The following ATF7IP variants were observed in gnomAD, a reference collection of about 807,000 sequenced individuals.
ATF7IP encodes activating transcription factor 7-interacting protein 1.
In ATF7IP, 23 loss-of-function variants were observed where a neutral mutation model predicts 106.4. The observed-to-expected ratio is 0.22, with a 90% confidence interval of 0.16 to 0.31. ATF7IP has a LOEUF of 0.31. ATF7IP is among the 10% of genes least tolerant of loss of function. The pLI is 1.00. For missense variants in ATF7IP, 1,334 were observed against 1,524.3 expected (o/e 0.88, Z 2.08); for synonymous variants, 542 against 539.0 (o/e 1.01, Z -0.08).
chr12:14,471,139 A>G (rs1944026579), intron 10 of ATF7IP, among the ~76,000 whole-genome samples: 1 of 152,176 alleles, frequency 6.6e-6, no homozygotes, highest in Non-Finnish European at 1.5e-5. Context: ...GATTTAGAAA[A>G]TATCCTCTGT....
intron 5 of ATF7IP, among the ~76,000 whole-genome samples, chr12:14,442,290 T>A (rs149038600): frequency 6.6e-6 from 1 of 152,322 alleles, no homozygotes; most frequent in East Asian, 1.9e-4. Context: ...AAATCAAATA[T>A]CATTATGATT....
At position 14,442,708 on chromosome 12, in the gene ATF7IP, T is replaced by C. The variant is rs569102818; in HGVS notation, c.1930-4280T>C. Among the ~76,000 whole-genome samples, 109 of 152,346 alleles carry C rather than the reference T, an allele frequency of 7.2e-4. 1 individual carries two copies. Among genetic ancestry groups the C allele is most frequent in the African/African-American group, 2.6e-3 (107 of 41,586 alleles). On this transcript the variant is annotated intron_variant, in intron 5 of 14. Coordinates refer to ENST00000261168, the MANE Select transcript of ATF7IP (RefSeq NM_018179.5). Reference sequence around the variant, plus strand: ...TCAGTTGAATACATCTGAGACAAATTGTTCTATTGGTCTGATAAATCTTTG... The same window carrying C: ...TCAGTTGAATACATCTGAGACAAATCGTTCTATTGGTCTGATAAATCTTTG...
intron 13 of ATF7IP, among the ~76,000 whole-genome samples, chr12:14,488,528 T>G (rs1253122607): frequency 2.0e-4 from 30 of 152,166 alleles, no homozygotes; most frequent in Non-Finnish European, 4.4e-5. Flanking sequence ...AGGGTGGATC[T>G]GCCTTCCCCA....
intron 1 of ATF7IP, among the ~76,000 whole-genome samples, chr12:14,405,409 T>A (rs1001817875): frequency 3.3e-5 from 3 of 90,094 alleles, no homozygotes; most frequent in African/African-American, 2.4e-4. Context: ...TCATCTTTTT[T>A]TTTTTTTTTT....
intron 1 of ATF7IP, among the ~76,000 whole-genome samples, chr12:14,391,374 T>C (rs982972753): frequency 6.6e-6 from 1 of 152,214 alleles, no homozygotes; most frequent in Non-Finnish European, 1.5e-5. Context: ...CAACTGCCAG[T>C]AGAACTATCT....
intron 1 of ATF7IP, among the ~76,000 whole-genome samples, chr12:14,409,713 T>A (rs1184401059): frequency 6.6e-6 from 1 of 152,114 alleles, no homozygotes; most frequent in East Asian, 1.9e-4. Context: ...GCTGCTATTT[T>A]ACACATACTG....
intron 1 of ATF7IP, among the ~76,000 whole-genome samples, chr12:14,408,891 C>T (rs150300316): frequency 2.6e-5 from 4 of 152,156 alleles, no homozygotes; most frequent in East Asian, 3.9e-4. Flanking sequence ...GTGTACATAG[C>T]GCATCATTCT....
In ATF7IP at chr12:14,434,383, G is replaced by A. The variant is rs142252576; in HGVS notation, c.1605G>A (p.Glu535=). The A allele has an allele frequency of 2.5e-6, 4 of 1,593,874 alleles. No individual in the cohort carries two copies. In the African/African-American group the frequency reaches 5.4e-5, roughly 21 times the overall value. ...NEKDNKPEEE[E]QVIHEDDERP... is the part of the protein sequence containing the mutation. Reference sequence around the variant, plus strand: ...AGGACAACAAACCTGAGGAAGAAGAGCAAGTAATACATGAAGATGATGAAA... The same window carrying A: ...AGGACAACAAACCTGAGGAAGAAGAACAAGTAATACATGAAGATGATGAAA... Residue 535 remains glutamate (E), a synonymous_variant, in exon 3 of 15, where the codon GAG becomes GAA. Transcript: ENST00000261168.
At chr12:14,373,384 A>G (rs934782805) in intron 1 of ATF7IP, among the ~76,000 whole-genome samples, 1 of 152,212 alleles carries the variant, frequency 6.6e-6, no homozygotes, top group Admixed American at 6.5e-5. Context: ...TATGGCTTCC[A>G]TCACTAGGTG....
chr12:14,438,538 T>A (rs1157898128), intron 5 of ATF7IP, among the ~76,000 whole-genome samples: 3 of 152,178 alleles, frequency 2.0e-5, no homozygotes, highest in Non-Finnish European at 4.4e-5. Context: ...GGCTGTGCTG[T>A]GAGGAAGAAT....
At chr12:14,430,316 G>C (rs897857993) in intron 2 of ATF7IP, among the ~76,000 whole-genome samples, 1 of 152,144 alleles carries the variant, frequency 6.6e-6, no homozygotes, top group Admixed American at 6.5e-5. Context: ...GAGATCATTG[G>C]TGACTTTTAC....
chr12:14,488,202 GCACA>G (rs373588944), intron 13 of ATF7IP, among the ~76,000 whole-genome samples: 1 of 151,592 alleles, frequency 6.6e-6, no homozygotes, highest in Non-Finnish European at 1.5e-5. Context: ...ACACACACAT[GCACA>G]CACACACGTA....
At chr12:14,365,984 T>A (rs1427317128) in intron 1 of ATF7IP, among the ~76,000 whole-genome samples, 157 bp downstream of exon 1, 1 of 152,174 alleles carries the variant, frequency 6.6e-6, no homozygotes, top group Non-Finnish European at 1.5e-5. Context: ...CACGTGATCT[T>A]GCGGGGTCGG....
intron 10 of ATF7IP, among the ~76,000 whole-genome samples, chr12:14,474,668 G>C (rs1944193134): frequency 1.3e-5 from 2 of 152,018 alleles, no homozygotes; most frequent in African/African-American, 4.8e-5. Context: ...CAAAGTACTG[G>C]GATTACAGGC....
chr12:14,409,733 A>G lies in ATF7IP; in HGVS notation c.-7-14176A>G, dbSNP rs546754685. ...TATTTTACACATACTGCCTTTCACC[A>G]CCAATATAATCACAGATACACTTGT... On this transcript the variant is annotated intron_variant, in intron 1 of 14. Transcript: ENST00000261168. 1.9e-4 allele frequency among the ~76,000 whole-genome samples: 29 copies of G among 152,178 alleles called. No homozygotes were observed. The East Asian group carries it at 5.6e-3, about 29-fold the overall frequency.
At chr12:14,388,584 T>TGAGCG (rs2136428346) in intron 1 of ATF7IP, among the ~76,000 whole-genome samples, 1 of 152,298 alleles carries the variant, frequency 6.6e-6, no homozygotes, top group South Asian at 2.1e-4. Context: ...TGACCTAAAG[T>TGAGCG]GATCCGCCTG....
chr12:14,423,574 C>CTTTTTTTT, intron 1 of ATF7IP, among the ~76,000 whole-genome samples: 6 of 34,386 alleles, frequency 1.7e-4, no homozygotes, highest in African/African-American at 5.9e-4. Flanking sequence ...TCTTCAGGTA[C>CTTTTTTTT]TTTTTTTTTT....
At position 14,386,774 on chromosome 12, in the gene ATF7IP, C is replaced by T. The variant is rs146897376; in HGVS notation, c.-8+20947C>T. Reference sequence around the variant, plus strand: ...GACAATTATAATCTTGTATTAGATCCAGATCTAGTTCACTTATTTGTAGAA... The same window carrying T: ...GACAATTATAATCTTGTATTAGATCTAGATCTAGTTCACTTATTTGTAGAA... On this transcript the variant is annotated intron_variant, in intron 1 of 14. Transcript: ENST00000261168. Among the ~76,000 whole-genome samples, 643 of 152,086 alleles carry T rather than the reference C, an allele frequency of 4.2e-3. 10 individuals carry two copies. The highest frequency in any genetic ancestry group is 0.015 in the African/African-American group (619 of 41,536).
At chr12:14,494,333 A>G (rs113074384) in intron 13 of ATF7IP, among the ~76,000 whole-genome samples, 39,504 of 85,346 alleles carry the variant, frequency 0.46, 9,756 homozygotes, top group Admixed American at 0.56. Context: ...ATATATATAT[A>G]TGTGTGTGTG....
Sources: allele counts gnomAD v4.1 joint callset (sites outside exome capture counted in the v4.1 genomes callset), GRCh38; gene constraint gnomAD v4.1.1; transcripts MANE v1.5; gene names NCBI Gene and HGNC (gene_info 2026-07-23, HGNC 2026-07-21).